Variants in SAMD4B observed in about 807,000 individuals in gnomAD.
SAMD4B encodes protein Smaug homolog 2.
A neutral mutation model predicts 74.5 loss-of-function variants in SAMD4B; 5 were observed. The observed-to-expected ratio is 0.07, with a 90% CI of 0.04 to 0.14. The LOEUF (loss-of-function observed/expected upper bound fraction) is 0.14. Ranked by LOEUF, SAMD4B falls within the 10% of genes least tolerant of loss-of-function variation. The probability of loss-of-function intolerance (pLI) is 1.00; values close to 1 mark genes in which losing one functional copy is unlikely to be tolerated. For missense variants in SAMD4B, 608 were observed against 921.8 expected, an observed-to-expected ratio of 0.66 and a Z score of 4.41; for synonymous variants, 373 against 374.9, an observed-to-expected ratio of 1.00 and a Z score of 0.06.
intron 3 of SAMD4B, among the ~76,000 whole-genome samples, chr19:39,357,639 G>A (rs925488172): frequency 6.6e-6 from 1 of 152,174 alleles, no homozygotes; most frequent in Admixed American, 6.5e-5. Context: ...TGGGATGGGT[G>A]AGCCAGGCTT....
chr19:39,345,643 A>G (rs568721567), intron 1 of SAMD4B, among the ~76,000 whole-genome samples: 1 of 152,196 alleles, frequency 6.6e-6, no homozygotes, highest in East Asian at 1.9e-4. Flanking sequence ...ATTTTAATGT[A>G]CTTGTCCACT....
At chr19:39,356,372 T>A (rs961576040) in intron 2 of SAMD4B, among the ~76,000 whole-genome samples, 1 of 152,146 alleles carries the variant, frequency 6.6e-6, no homozygotes, top group Non-Finnish European at 1.5e-5. Context: ...TATTTCCCAC[T>A]TCTGAAAAAT....
chr19:39,386,271 C>G, downstream of SAMD4B: 6 of 1,614,204 alleles, frequency 3.7e-6, no homozygotes, highest in Non-Finnish European at 5.1e-6. The surrounding 1 kb of genome is among the most constrained non-coding windows in gnomAD (Gnocchi z 6.1). Flanking sequence ...ATCCTCGCTG[C>G]TCTCGTCCTC....
In SAMD4B at chr19:39,380,658, G is replaced by A. The variant is rs1425145665; in HGVS notation, c.1721G>A (p.Arg574Gln). 7.4e-6 allele frequency: 12 copies of A among 1,613,834 alleles called. No homozygotes were observed. The highest frequency in any genetic ancestry group is 4.5e-5 in the East Asian group (2 of 44,884). The change falls in exon 11 of 14, where the codon CGG (arginine) becomes CAG (glutamine). Residue 574 changes from arginine to glutamine, a missense_variant. This residue lies in a region of SAMD4B where 167 missense variants were observed against 193.0 expected (regional missense o/e 0.87). Transcript: ENST00000610417. Reference protein sequence around the residue: ...VGMGVARRTQRQFPMPPRALP... With the variant: ...VGMGVARRTQQQFPMPPRALP... ...ATGGGAGTGGCCCGGCGTACCCAGC[G>A]GCAGTTCCCAATGCCTCCCCGGGCC...
rs567746714 is a variant in SAMD4B, at chr19:39,363,248, A to C, written c.196+6159A>C. Among the ~76,000 whole-genome samples, 11 of 152,156 alleles carry C rather than the reference A, an allele frequency of 7.2e-5. No homozygotes were observed. In the East Asian group the frequency reaches 1.5e-3, roughly 21 times the overall value. On this transcript the variant is annotated intron_variant, in intron 3 of 13. Coordinates refer to ENST00000610417, the MANE Select transcript of SAMD4B (RefSeq NM_001384574.2). ...ACATTTATACGCACAGCATTCCTCAACCTCTCCATGTTTGCAGAGTCCAAG... is the reference window on the plus strand; with the variant it reads ...ACATTTATACGCACAGCATTCCTCACCCTCTCCATGTTTGCAGAGTCCAAG...
Position 39,377,715 on chromosome 19 carries a change from G to C in SAMD4B, c.1335G>C (p.Glu445Asp). The change falls in exon 8 of 14, where the codon GAG (glutamate) becomes GAC (aspartate). Residue 445 changes from glutamate (E) to aspartate (D), a missense_variant. Coordinates refer to ENST00000610417, the MANE Select transcript of SAMD4B (RefSeq NM_001384574.2). ...GTEAKDPPAVENYPPPPAPAP... is the reference protein window; with the variant it reads ...GTEAKDPPAVDNYPPPPAPAP... ...AGGCCAAGGACCCTCCAGCTGTGGA[G>C]AACTACCCACCTCCACCAGCTCCAG... is the stretch of plus-strand genomic sequence containing the variant. The C allele has an allele frequency of 6.2e-7, 1 of 1,614,260 alleles. No homozygotes were observed. Among genetic ancestry groups the C allele is most frequent in the Non-Finnish European group, 8.5e-7 (1 of 1,180,040 alleles).
intron 4 of SAMD4B, among the ~76,000 whole-genome samples, chr19:39,371,758 A>G (rs995225167): frequency 1.3e-5 from 2 of 151,870 alleles, no homozygotes; most frequent in Non-Finnish European, 2.9e-5. Context: ...TGGAGGTGGC[A>G]GTGAGCCGAG....
intron 1 of SAMD4B, among the ~76,000 whole-genome samples, chr19:39,343,775 C>A (rs1381668436): frequency 6.6e-6 from 1 of 151,930 alleles, no homozygotes; most frequent in Non-Finnish European, 1.5e-5. Flanking sequence ...TCCAGTCCCC[C>A]ACATCACACG....
intron 1 of SAMD4B, among the ~76,000 whole-genome samples, chr19:39,348,984 G>A (rs2075861620): frequency 6.6e-6 from 1 of 152,104 alleles, no homozygotes; most frequent in African/African-American, 2.4e-5. Context: ...TTCTCAGTAG[G>A]TACTATTATT....
Position 39,376,477 on chromosome 19 carries a change from T to C in SAMD4B, c.948T>C (p.Tyr316=). 2 of 1,613,474 alleles carry C rather than the reference T, an allele frequency of 1.2e-6. No homozygotes were observed. Among genetic ancestry groups the C allele is most frequent in the Non-Finnish European group, 1.7e-6 (2 of 1,180,032 alleles). ...SWLKSLRLHK[Y]AALFSQMSYE... ...TCAAGAGCCTCCGTTTGCACAAGTA[T>C]GCAGCCCTCTTCTCACAGATGAGCT... The change falls in exon 6 of 14, where the codon TAT becomes TAC. Residue 316 remains tyrosine, a synonymous_variant. Coordinates refer to ENST00000610417, the MANE Select transcript of SAMD4B (RefSeq NM_001384574.2).
At chr19:39,343,177 A>G (rs1231306702) in intron 1 of SAMD4B, among the ~76,000 whole-genome samples, 2 of 145,748 alleles carry the variant, frequency 1.4e-5, no homozygotes, top group Non-Finnish European at 3.0e-5. Context: ...CCATTCCAGA[A>G]CTCTCCCCCG....
rs1159691320 is a variant in SAMD4B, at chr19:39,380,042, G to A, written c.1607G>A (p.Arg536His). ...CTGAAGCTCCTCCGGACATTCCCGC[G>A]CAAAGCCGCACTAGAGATGCAGAAC... The part of the protein sequence containing the change: ...QVLKLLRTFP[R>H]KAALEMQNYR... The change falls in exon 10 of 14, where the codon CGC becomes CAC. Residue 536 changes from arginine (R) to histidine (H), a missense_variant. Coordinates refer to ENST00000610417, the MANE Select transcript of SAMD4B (RefSeq NM_001384574.2). 1.2e-6 allele frequency: 2 copies of A among 1,613,490 alleles called. No homozygotes were observed. Among genetic ancestry groups the A allele is most frequent in the Non-Finnish European group, 1.7e-6 (2 of 1,179,794 alleles).
intron 4 of SAMD4B, among the ~76,000 whole-genome samples, chr19:39,372,991 C>T (rs1173894866): frequency 7.9e-5 from 12 of 152,146 alleles, no homozygotes; most frequent in Admixed American, 1.3e-4. Context: ...ACTGCCTTGC[C>T]CTGTCCCTTA....
chr19:39,386,075 G>C, downstream of SAMD4B: 1 of 1,613,968 alleles, frequency 6.2e-7, no homozygotes, highest in Non-Finnish European at 8.5e-7. This position sits in a 1 kb window ranked among gnomAD's most constrained non-coding sequence, Gnocchi z 6.1. Context: ...CGCTGCCACT[G>C]GGGAAGGGAC....
downstream of SAMD4B, chr19:39,389,741 G>A: frequency 1.2e-6 from 2 of 1,614,178 alleles, no homozygotes; most frequent in Non-Finnish European, 1.7e-6. This position sits in a 1 kb window ranked among gnomAD's most constrained non-coding sequence, Gnocchi z 5.3. Flanking sequence ...CTCCAAGGAA[G>A]TGGCTTTGTA....
intron 3 of SAMD4B, among the ~76,000 whole-genome samples, chr19:39,368,152 T>C (rs1188235561): frequency 6.6e-6 from 1 of 151,842 alleles, no homozygotes; most frequent in Non-Finnish European, 1.5e-5. Context: ...AGGTGGAGCT[T>C]GCAGTGAGCC....
At chr19:39,376,894 C>A in intron 7 of SAMD4B, 103 bp downstream of exon 7, 1 of 927,132 alleles carries the variant, frequency 1.1e-6, no homozygotes, top group South Asian at 1.5e-5. Flanking sequence ...ATGTGGCCTC[C>A]AAAATTCCCA....
chr19:39,358,073 C>G (rs1290914845), intron 3 of SAMD4B, among the ~76,000 whole-genome samples: 1 of 152,104 alleles, frequency 6.6e-6, no homozygotes, highest in Non-Finnish European at 1.5e-5. Context: ...GAGTTCGAGA[C>G]CAGCCTGGCT....
In SAMD4B at chr19:39,383,773, C is replaced by T. The variant is rs1397677266; in HGVS notation, c.*246C>T. On this transcript the variant is annotated 3_prime_UTR_variant, in exon 14 of 14. Transcript: ENST00000610417. The surrounding 1 kb of genome is among the most constrained non-coding windows in gnomAD (Gnocchi z 4.1). ...GCAGCCAGGATAAAGGGGGCAGGGACTGGCCAGACTGCCTGCCTCTCTCCT... is the reference window on the plus strand; with the variant it reads ...GCAGCCAGGATAAAGGGGGCAGGGATTGGCCAGACTGCCTGCCTCTCTCCT... 1.4e-6 allele frequency: 2 copies of T among 1,436,416 alleles called. No individual in the cohort carries two copies. 89.0% of individuals were successfully genotyped at this position (1,436,416 alleles called of 1,614,324 possible). A position where few individuals can be genotyped will look rare whatever the true frequency, so the allele number is the denominator to read the frequency against.
Sources: gnomAD v4.1 joint callset for allele counts (sites outside exome capture counted in the v4.1 genomes callset) on GRCh38, gnomAD v4.1.1 for gene constraint, gnomAD v4.1.1 regional missense constraint, Gnocchi (gnomAD v3.1) non-coding constraint, MANE v1.5 for transcripts, NCBI Gene and HGNC (gene_info 2026-07-23, HGNC 2026-07-21) for gene names.